SLC3A1: variants seen among roughly 807,000 people sequenced by gnomAD.
SLC3A1 encodes amino acid transporter heavy chain SLC3A1.
Under a neutral mutation model 60.3 loss-of-function variants are expected in SLC3A1, and 78 were observed. The observed-to-expected ratio is 1.29, with a 90% CI of 1.08 to 1.56. The LOEUF (loss-of-function observed/expected upper bound fraction) is 1.56, where lower values mean the gene tolerates loss of function less well. Ranked by LOEUF, SLC3A1 falls within the 40% of genes most tolerant of loss-of-function variation. SLC3A1 has a pLI of 0.00. For missense variants in SLC3A1, 1,172 were observed against 858.9 expected (o/e 1.36, Z -4.56); for synonymous variants, 392 against 307.9 (o/e 1.27, Z -2.86).
intron 4 of SLC3A1, among the ~76,000 whole-genome samples, chr2:44,288,658 G>C (rs1354460728): frequency 1.3e-5 from 2 of 152,146 alleles, no homozygotes; most frequent in Non-Finnish European, 2.9e-5. Flanking sequence ...ACCAACACTT[G>C]TTATTGCATA....
At chr2:44,299,352 A>T (rs1367954580) in intron 4 of SLC3A1, among the ~76,000 whole-genome samples, 1 of 152,000 alleles carries the variant, frequency 6.6e-6, no homozygotes, top group Non-Finnish European at 1.5e-5. Context: ...TTCATCTTTT[A>T]TTATCTGAGT....
Position 44,275,873 on chromosome 2 carries a change from AGTGCCTAGACTG to A in SLC3A1, c.342_353del (p.Cys114_Trp117del). The stretch of plus-strand genomic sequence containing the variant: ...ATAGCCATCATTGCCCTCTCTCCAA[AGTGCCTAGACTG>A]GTGGCAGGAGGGGCCCATGTACCAG... On this transcript the variant is annotated inframe_deletion, in exon 1 of 10. Transcript: ENST00000260649. 1 of 1,614,202 alleles carries A rather than the reference AGTGCCTAGACTG, an allele frequency of 6.2e-7. No homozygotes were observed. The highest frequency in any genetic ancestry group is 1.3e-5 in the African/African-American group (1 of 75,042).
intron 3 of SLC3A1, among the ~76,000 whole-genome samples, chr2:44,283,905 T>G (rs1199943947): frequency 6.6e-6 from 1 of 150,418 alleles, no homozygotes; most frequent in Non-Finnish European, 1.5e-5. Context: ...TTCATGTAAC[T>G]TCAGGTAGCT....
chr2:44,298,302 A>C (rs1050533374), intron 4 of SLC3A1, among the ~76,000 whole-genome samples: 1 of 152,110 alleles, frequency 6.6e-6, no homozygotes, highest in African/African-American at 2.4e-5. Context: ...GCTGAGCATG[A>C]TGAGTTAGTT....
At chr2:44,321,648 C>G (rs1048339102), downstream of SLC3A1, 8 of 1,515,570 alleles carry the variant, frequency 5.3e-6, no homozygotes, top group African/African-American at 1.4e-5. Context: ...GTATCAAGTA[C>G]AAGAGAGAGA....
At chr2:44,283,094 T>C (rs1399931811) in intron 3 of SLC3A1, among the ~76,000 whole-genome samples, 2 of 152,186 alleles carry the variant, frequency 1.3e-5, no homozygotes, top group Middle Eastern at 3.2e-3. Context: ...TGTTCTCTCC[T>C]GCCTTTATTC....
intron 1 of SLC3A1, among the ~76,000 whole-genome samples, chr2:44,278,069 A>G (rs753442699): frequency 4.6e-5 from 7 of 152,156 alleles, no homozygotes; most frequent in Non-Finnish European, 7.3e-5. Context: ...GGCTTAGATC[A>G]AAACCCTCTT....
intron 4 of SLC3A1, 139 bp downstream of exon 4, chr2:44,286,296 C>G (rs1477534755): frequency 1.4e-5 from 11 of 802,876 alleles, no homozygotes; most frequent in Non-Finnish European, 2.3e-5. Context: ...ATTTGAAACA[C>G]TTTATATTGC....
At position 44,281,349 on chromosome 2, in the gene SLC3A1, A is replaced by T. The variant is rs552880615; in HGVS notation, c.611-38A>T. 256 of 1,571,244 alleles carry T rather than the reference A, an allele frequency of 1.6e-4. 3 individuals are homozygous for T. In the South Asian group the frequency reaches 2.6e-3, roughly 16 times the overall value. On this transcript the variant is annotated intron_variant, in intron 2 of 9. Coordinates refer to ENST00000260649, the MANE Select transcript of SLC3A1 (RefSeq NM_000341.4). ...GCCTGTCATATGTTATTCTAATACA[A>T]TCTTTCCCTAGCATTTGAAATGTCT...
At chr2:44,301,743 A>T (rs1672016032) in intron 6 of SLC3A1, among the ~76,000 whole-genome samples, 1 of 150,998 alleles carries the variant, frequency 6.6e-6, no homozygotes, top group Admixed American at 6.6e-5. Context: ...CATCACAAAA[A>T]AAAAAAAAAA....
intron 1 of SLC3A1, among the ~76,000 whole-genome samples, chr2:44,277,098 C>T (rs2104327949): frequency 7.1e-6 from 1 of 140,230 alleles, no homozygotes; most frequent in East Asian, 2.0e-4. Flanking sequence ...ATCATTCTCT[C>T]TCTTCTTTTT....
At chr2:44,318,845 T>C (rs765538090) in intron 9 of SLC3A1, 3 of 152,200 alleles carry the variant, frequency 2.0e-5, no homozygotes, top group Non-Finnish European at 4.4e-5. Flanking sequence ...TTTTCAAAAA[T>C]TGATAAAACA....
intron 3 of SLC3A1, chr2:44,285,774 T>C: frequency 3.2e-6 from 2 of 629,504 alleles, no homozygotes; most frequent in Non-Finnish European, 6.0e-6. Context: ...TTGTCTTGGG[T>C]TTGAGAACAT....
chr2:44,313,615 T>C (rs577403461), intron 8 of SLC3A1, among the ~76,000 whole-genome samples: 3 of 152,360 alleles, frequency 2.0e-5, no homozygotes, highest in South Asian at 2.1e-4. Flanking sequence ...TCGATTAGTA[T>C]TGTCTATTCA....
rs1386705126 is a variant in SLC3A1, at chr2:44,286,177, C to A, written c.891+20C>A. 4 of 1,610,322 alleles carry A rather than the reference C, an allele frequency of 2.5e-6. No individual in the cohort carries two copies. The highest frequency in any genetic ancestry group is 2.2e-5 in the South Asian group (2 of 91,008). ...ATAAAAGTGAGTATAGATACCCACA[C>A]AGACTTCTCCATTAATGGAGGTTTA... On this transcript the variant is annotated intron_variant, in intron 4 of 9. Transcript: ENST00000260649.
At chr2:44,276,792 T>G (rs1301755476) in intron 1 of SLC3A1, among the ~76,000 whole-genome samples, 1 of 152,168 alleles carries the variant, frequency 6.6e-6, no homozygotes, top group African/African-American at 2.4e-5. Context: ...AATATATTGC[T>G]CAAACCAGAA....
At position 44,320,320 on chromosome 2, in the gene SLC3A1, T is replaced by C. The variant is rs766482650; in HGVS notation, c.1739T>C (p.Val580Ala). The change falls in exon 10 of 10, where the codon GTT (valine) becomes GCT (alanine). Residue 580 changes from valine (V) to alanine (A), a missense_variant. Physicochemically the swap from Val to Ala is moderately conservative, Grantham distance 64. Transcript: ENST00000260649. The part of the protein sequence containing the change: ...FCHLRNDSHY[V>A]VYTRELDGID... ...CATTTGAGGAATGACAGCCACTATG[T>C]TGTGTACACAAGAGAGCTGGATGGC... 1.1e-5 allele frequency: 18 copies of C among 1,614,020 alleles called. No homozygotes were observed. Among genetic ancestry groups the C allele is most frequent in the African/African-American group, 2.7e-5 (2 of 74,936 alleles).
At chr2:44,285,639 G>A (rs1391744585) in intron 3 of SLC3A1, 2 of 477,576 alleles carry the variant, frequency 4.2e-6, no homozygotes, top group African/African-American at 2.0e-5. Flanking sequence ...CAAGCTCCAA[G>A]ATGAGCGGAA....
intron 1 of SLC3A1, among the ~76,000 whole-genome samples, chr2:44,277,724 C>G (rs1671381719): frequency 6.6e-6 from 1 of 152,182 alleles, no homozygotes; most frequent in Non-Finnish European, 1.5e-5. Context: ...TTACCACTTC[C>G]TGGCCCTGCC....
Sources: gnomAD v4.1 joint callset for allele counts (sites outside exome capture counted in the v4.1 genomes callset) on GRCh38, gnomAD v4.1.1 for gene constraint, MANE v1.5 for transcripts, NCBI Gene and HGNC (gene_info 2026-07-23, HGNC 2026-07-21) for gene names.